Variants in ITGA3 observed in about 807,000 individuals in gnomAD.
The protein encoded by ITGA3 is integrin alpha-3.
In ITGA3, 70 loss-of-function variants were observed where a neutral mutation model predicts 131.1. The ratio of observed to expected loss-of-function variants is 0.53; its 90% CI spans 0.44 to 0.65. The LOEUF (loss-of-function observed/expected upper bound fraction) is 0.65, where lower values mean the gene tolerates loss of function less well. Ranked by LOEUF, ITGA3 falls within the 30% of genes least tolerant of loss-of-function variation. ITGA3 has a pLI of 0.00. For missense variants in ITGA3, 1,098 were observed against 1,388.6 expected (o/e 0.79, Z 3.33); for synonymous variants, 537 against 571.6 (o/e 0.94, Z 0.86).
intron 1 of ITGA3, among the ~76,000 whole-genome samples, chr17:50,057,666 C>T (rs1907892340): frequency 1.3e-5 from 2 of 152,226 alleles, no homozygotes; most frequent in Non-Finnish European, 2.9e-5. Context: ...TTGGGCTGGG[C>T]GATCTGCCAG....
intron 10 of ITGA3, among the ~76,000 whole-genome samples, chr17:50,074,920 A>G (rs1908813957): frequency 6.6e-6 from 1 of 152,178 alleles, no homozygotes; most frequent in African/African-American, 2.4e-5. Flanking sequence ...AACAGAATTG[A>G]TAATAACTGA....
intron 15 of ITGA3, 104 bp downstream of exon 15, chr17:50,077,225 C>A: frequency 7.5e-7 from 1 of 1,326,826 alleles, no homozygotes; most frequent in South Asian, 1.4e-5. Flanking sequence ...ACGTGCCCAC[C>A]TCCTCTGGTC....
chr17:50,077,149 C>A, intron 15 of ITGA3, 28 bp downstream of exon 15: 1 of 1,516,726 alleles, frequency 6.6e-7, no homozygotes, highest in Non-Finnish European at 8.9e-7. Context: ...GGCTCAGAGC[C>A]CAAGCAGGGC....
chr17:50,081,483 C>T, intron 23 of ITGA3, 75 bp downstream of exon 23: 1 of 1,053,144 alleles, frequency 9.5e-7, no homozygotes, highest in South Asian at 1.4e-5. Context: ...TAAGAGGACA[C>T]TGACGCACTT....
intron 10 of ITGA3, among the ~76,000 whole-genome samples, chr17:50,075,096 A>G (rs35384567): frequency 6.6e-6 from 1 of 152,212 alleles, no homozygotes; most frequent in East Asian, 1.9e-4. Flanking sequence ...GGATCAGAAG[A>G]CAAAGGCAGA....
chr17:50,084,515 T>C (rs141869567), intron 23 of ITGA3, among the ~76,000 whole-genome samples: 6 of 152,232 alleles, frequency 3.9e-5, no homozygotes, highest in African/African-American at 1.2e-4. Flanking sequence ...CAGTAGGAGA[T>C]TGGTTCAATA....
chr17:50,059,911 T>TTC (rs894393671), intron 1 of ITGA3, among the ~76,000 whole-genome samples: 2 of 152,142 alleles, frequency 1.3e-5, no homozygotes, highest in African/African-American at 4.8e-5. Flanking sequence ...TCCTTTCTCA[T>TTC]TCTCTCTCTC....
rs576709603 is a variant in ITGA3 at position 50,088,989 on chromosome 17, G to A, written c.*32-121G>A. On this transcript the variant is annotated intron_variant, in intron 25 of 25. Coordinates refer to ENST00000320031, the MANE Select transcript of ITGA3 (RefSeq NM_002204.4). Reference sequence around the variant, plus strand: ...ATCTCAGTGCAGAGAGATGGGATGCGTTTCGGTCAAGAGTTCTGGCTTTGA... The same window carrying A: ...ATCTCAGTGCAGAGAGATGGGATGCATTTCGGTCAAGAGTTCTGGCTTTGA... 1.1e-3 allele frequency: 788 copies of A among 738,814 alleles called. 11 individuals carry two copies. The highest frequency in any genetic ancestry group is 7.1e-3 in the South Asian group (457 of 64,272). The allele number at this position is 738,814 out of a possible 1,614,324, so 45.8% of individuals were successfully genotyped here. A position where few individuals can be genotyped will look rare whatever the true frequency, so the allele number is the denominator to read the frequency against.
At chr17:50,075,334 C>T in intron 10 of ITGA3, 125 bp from the exon 11 acceptor site, 1 of 908,368 alleles carries the variant, frequency 1.1e-6, no homozygotes, top group Non-Finnish European at 1.8e-6. Context: ...TGTGGACTCC[C>T]CAGTTTTGTC....
intron 21 of ITGA3, 70 bp from the exon 22 acceptor site, chr17:50,080,192 G>A: frequency 1.1e-6 from 1 of 942,228 alleles, no homozygotes; most frequent in South Asian, 1.6e-5. Flanking sequence ...GGGGCGGGAG[G>A]TAAGGAGCAA....
chr17:50,060,975 G>A (rs1469097050), intron 1 of ITGA3, among the ~76,000 whole-genome samples: 2 of 152,170 alleles, frequency 1.3e-5, no homozygotes, highest in East Asian at 3.9e-4. Context: ...ACCTGGGTGT[G>A]TGTGGCTGGA....
rs1176617962 is a variant in ITGA3 at position 50,068,258 on chromosome 17, C to A, written c.617C>A (p.Thr206Asn). The change falls in exon 4 of 26, where the codon ACC (threonine) becomes AAC (asparagine). Residue 206 changes from threonine (T) to asparagine (N), a missense_variant. Thr to Asn is a moderately conservative substitution (Grantham distance 65). Around this residue, in one of 3 missense-constraint regions of ITGA3, gnomAD observed 356 missense variants for 529.2 expected, o/e 0.67. Transcript: ENST00000320031. ...CAGCTGGGCACCAGCGGTGGCTTCA[C>A]CCAGAACACTGTGTACTTCGGCGCC... is the stretch of plus-strand genomic sequence containing the variant. ...MCQLGTSGGF[T>N]QNTVYFGAPG... 1 of 1,613,904 alleles carries A rather than the reference C, an allele frequency of 6.2e-7. No homozygotes were observed. The highest frequency in any genetic ancestry group is 1.3e-5 in the African/African-American group (1 of 75,074).
At chr17:50,060,589 A>G (rs373424623) in intron 1 of ITGA3, among the ~76,000 whole-genome samples, 54 of 152,228 alleles carry the variant, frequency 3.5e-4, no homozygotes, top group African/African-American at 1.3e-3. Context: ...GCTGGAGCCA[A>G]TGGGAGGGTG....
chr17:50,089,147 T>C lies in ITGA3; in HGVS notation c.*69T>C. 1 of 1,613,622 alleles carries C rather than the reference T, an allele frequency of 6.2e-7. No homozygotes were observed. Among genetic ancestry groups the C allele is most frequent in the Non-Finnish European group, 8.5e-7 (1 of 1,179,740 alleles). ...AAGCGGACCCGCTATTATCAGATCA[T>C]GCCCAAGTACCACGCAGTGCGGATC... On this transcript the variant is annotated 3_prime_UTR_variant, in exon 26 of 26. Transcript: ENST00000320031.
In ITGA3 at chr17:50,079,530, C is replaced by CA; in HGVS notation, c.2685dup (p.Ala896SerfsTer4). The CA allele has an allele frequency of 6.4e-7, 1 of 1,557,898 alleles. No individual in the cohort carries two copies. Among genetic ancestry groups the CA allele is most frequent in the Non-Finnish European group, 8.7e-7 (1 of 1,154,484 alleles). ...CCCCACCTGTCACTCTGGCTGCTGC[C>CA]AAAAAAGCCAAGTCTGAGACTGTGC... On this transcript the variant is annotated frameshift_variant, in exon 21 of 26. Coordinates refer to ENST00000320031, the MANE Select transcript of ITGA3 (RefSeq NM_002204.4). LOFTEE classifies it high-confidence loss of function.
intron 4 of ITGA3, among the ~76,000 whole-genome samples, chr17:50,068,917 G>A (rs1437187530): frequency 6.6e-6 from 1 of 150,788 alleles, no homozygotes; most frequent in Non-Finnish European, 1.5e-5. Context: ...GTGCAATCTC[G>A]GCTCACTGCA....
At chr17:50,067,013 C>T (rs964927731) in intron 3 of ITGA3, among the ~76,000 whole-genome samples, 4 of 152,126 alleles carry the variant, frequency 2.6e-5, no homozygotes, top group African/African-American at 9.7e-5. Flanking sequence ...ACTGAAATGC[C>T]TTTTTGATAA....
chr17:50,087,817 C>T lies in ITGA3; in HGVS notation c.2993C>T (p.Ala998Val). 2.5e-6 allele frequency: 4 copies of T among 1,611,736 alleles called. No homozygotes were observed. Among genetic ancestry groups the T allele is most frequent in the Non-Finnish European group, 3.4e-6 (4 of 1,179,146 alleles). Residue 998 changes from alanine to valine, a missense_variant, in exon 24 of 26, where the codon GCC (alanine) becomes GTC (valine). By Grantham distance (64) the Ala-to-Val change is moderately conservative. Transcript: ENST00000320031. ...ATCGAGCTGTGGCTGGTGCTGGTGG[C>T]CGTGGGTGCAGGGCTGCTGCTGCTG... ...AEIELWLVLV[A>V]VGAGLLLLGL...
In ITGA3 at chr17:50,064,443, C is replaced by T. The variant is rs569722037; in HGVS notation, c.335-85C>T. ...CTGCCCTGTGGGTGGAGGGCCCAAGCGGGACCCACTCCTGCCCTCTGGAGA... is the reference window on the plus strand; with the variant it reads ...CTGCCCTGTGGGTGGAGGGCCCAAGTGGGACCCACTCCTGCCCTCTGGAGA... On this transcript the variant is annotated intron_variant, in intron 2 of 25. Coordinates refer to ENST00000320031, the MANE Select transcript of ITGA3 (RefSeq NM_002204.4). This position sits in a 1 kb window ranked among gnomAD's most constrained non-coding sequence, Gnocchi z 4.4. 17 of 1,347,544 alleles carry T rather than the reference C, an allele frequency of 1.3e-5. No individual in the cohort carries two copies. Among genetic ancestry groups the T allele is most frequent in the East Asian group, 2.4e-5 (1 of 42,194 alleles). 83.5% of individuals were successfully genotyped at this position (1,347,544 alleles called of 1,614,324 possible).
Sources: allele counts gnomAD v4.1 joint callset (sites outside exome capture counted in the v4.1 genomes callset), GRCh38; gene constraint gnomAD v4.1.1; regional missense constraint gnomAD v4.1.1; non-coding constraint Gnocchi (gnomAD v3.1); transcripts MANE v1.5; gene names NCBI Gene and HGNC (gene_info 2026-07-23, HGNC 2026-07-21).